ADARB2: variants seen among roughly 807,000 people sequenced by gnomAD.
ADARB2 encodes inactive double-stranded RNA-specific editase B2.
In ADARB2, 25 loss-of-function variants were observed where a neutral mutation model predicts 62.2. The observed-to-expected ratio is 0.40, with a 90% CI of 0.29 to 0.56. The LOEUF (loss-of-function observed/expected upper bound fraction) is 0.56, where lower values mean the gene tolerates loss of function less well. Among genes scored for constraint, ADARB2 ranks in the 20% least tolerant of loss-of-function variants. The pLI is 0.43. For missense variants in ADARB2, 1,071 were observed against 1,077.4 expected (o/e 0.99, Z 0.08); for synonymous variants, 572 against 500.8 (o/e 1.14, Z -1.90).
At chr10:1,688,372 C>T (rs1422803888) in intron 1 of ADARB2, among the ~76,000 whole-genome samples, 1 of 152,208 alleles carries the variant, frequency 6.6e-6, no homozygotes, top group Non-Finnish European at 1.5e-5. Context: ...CCTGCTGTTC[C>T]CTGACCCGGT....
At chr10:1,542,686 ACGCAGTTCGGACCC>A in intron 1 of ADARB2, among the ~76,000 whole-genome samples, 2 of 34,852 alleles carry the variant, frequency 5.7e-5, no homozygotes, top group African/African-American at 9.8e-5. Flanking sequence ...CCCCACTCAG[ACGCAGTTCGGACCC>A]TGGATCACAG....
intron 7 of ADARB2, 125 bp from the exon 8 acceptor site, chr10:1,200,272 C>T (rs1836968549): frequency 7.4e-7 from 1 of 1,347,774 alleles, no homozygotes; most frequent in Non-Finnish European, 1.0e-6. Flanking sequence ...CCTTGGGGAG[C>T]TCCCTGGGAG....
chr10:1,491,622 A>G (rs1831623022), intron 1 of ADARB2, among the ~76,000 whole-genome samples: 1 of 152,214 alleles, frequency 6.6e-6, no homozygotes, highest in African/African-American at 2.4e-5. Context: ...AAACAAAGTC[A>G]GATGTAATGA....
intron 1 of ADARB2, among the ~76,000 whole-genome samples, chr10:1,665,582 C>G (rs1280194058): frequency 6.6e-6 from 1 of 152,266 alleles, no homozygotes; most frequent in Non-Finnish European, 1.5e-5. Context: ...GGGTCCAGCC[C>G]AGGGCTGTGG....
At chr10:1,593,043 T>C (rs112885196) in intron 1 of ADARB2, among the ~76,000 whole-genome samples, 302 of 65,166 alleles carry the variant, frequency 4.6e-3, no homozygotes, top group East Asian at 9.6e-3. Context: ...ATAGGTCTCC[T>C]CTCTGGCATG....
At chr10:1,429,928 A>C (rs1333644335) in intron 1 of ADARB2, among the ~76,000 whole-genome samples, 1 of 152,092 alleles carries the variant, frequency 6.6e-6, no homozygotes, top group East Asian at 1.9e-4. Context: ...ACCACTCTTA[A>C]ATAACAGCTA....
At chr10:1,602,486 C>T (rs746444181) in intron 1 of ADARB2, among the ~76,000 whole-genome samples, 6 of 152,126 alleles carry the variant, frequency 3.9e-5, no homozygotes, top group African/African-American at 9.7e-5. Context: ...CGGCATCCAT[C>T]GACTCTCCAT....
At chr10:1,285,879 C>T (rs1256161972) in intron 3 of ADARB2, among the ~76,000 whole-genome samples, 1 of 152,176 alleles carries the variant, frequency 6.6e-6, no homozygotes, top group African/African-American at 2.4e-5. Flanking sequence ...TGGTGGGATA[C>T]TAAAATCCAT....
chr10:1,244,891 C>T (rs184475704), intron 4 of ADARB2, among the ~76,000 whole-genome samples: 23 of 152,268 alleles, frequency 1.5e-4, no homozygotes, highest in Non-Finnish European at 2.8e-4. Flanking sequence ...GCGTATTCTA[C>T]GGGCCGTTGG....
chr10:1,278,379 C>T (rs1436989789), intron 3 of ADARB2, among the ~76,000 whole-genome samples: 1 of 151,498 alleles, frequency 6.6e-6, no homozygotes, highest in Non-Finnish European at 1.5e-5. Context: ...GTACAAGTGA[C>T]CCAGGTAGTG....
chr10:1,625,428 G>A (rs553280757), intron 1 of ADARB2, among the ~76,000 whole-genome samples: 102 of 152,322 alleles, frequency 6.7e-4, no homozygotes, highest in African/African-American at 2.1e-3. Context: ...GCACCTTGGC[G>A]CTGGTGGGGT....
At chr10:1,658,394 TTC>T (rs377038119) in intron 1 of ADARB2, among the ~76,000 whole-genome samples, 7 of 151,936 alleles carry the variant, frequency 4.6e-5, no homozygotes, top group Non-Finnish European at 1.0e-4. Flanking sequence ...TCTCTTGTCT[TTC>T]TCTGTCTCTA....
chr10:1,581,883 G>C (rs1833106829), intron 1 of ADARB2, among the ~76,000 whole-genome samples: 1 of 150,046 alleles, frequency 6.7e-6, no homozygotes, highest in Non-Finnish European at 1.5e-5. Flanking sequence ...GAGAGGCCAA[G>C]ATCTCAGCAC....
chr10:1,455,208 G>A (rs1831082873), intron 1 of ADARB2, among the ~76,000 whole-genome samples: 1 of 152,204 alleles, frequency 6.6e-6, no homozygotes, highest in South Asian at 2.1e-4. Context: ...GAGGAACTTT[G>A]TTAAGGACCA....
intron 1 of ADARB2, among the ~76,000 whole-genome samples, chr10:1,580,280 A>T (rs897404195): frequency 6.6e-6 from 1 of 152,060 alleles, no homozygotes; most frequent in East Asian, 1.9e-4. Flanking sequence ...GCCCTCCACC[A>T]TCAAGCAGGG....
chr10:1,205,577 T>C (rs1408997637), intron 7 of ADARB2, among the ~76,000 whole-genome samples: 3 of 152,186 alleles, frequency 2.0e-5, no homozygotes, highest in Non-Finnish European at 2.9e-5. Flanking sequence ...TCCGAATGCT[T>C]GTGTTCCCAA....
rs1400694502 is a variant in ADARB2, at chr10:1,540,646, C to A, written c.101-161486G>T. On this transcript the variant is annotated intron_variant, in intron 1 of 9. Transcript: ENST00000381312. ...CCCTGGATCACAGCCGTCCAGACCCCACTCAGACGCAGTTTGGACCCTGGA... is the reference window on the plus strand; with the variant it reads ...CCCTGGATCACAGCCGTCCAGACCCAACTCAGACGCAGTTTGGACCCTGGA... Among the ~76,000 whole-genome samples, 3 of 98,876 alleles carry A rather than the reference C, an allele frequency of 3.0e-5. 1 individual carries two copies. Among genetic ancestry groups the A allele is most frequent in the African/African-American group, 1.0e-4 (3 of 29,060 alleles). 64.9% of individuals were successfully genotyped at this position (98,876 alleles called of 152,430 possible). A position where few individuals can be genotyped will look rare whatever the true frequency, so the allele number is the denominator to read the frequency against.
At chr10:1,493,905 G>C (rs190105736) in intron 1 of ADARB2, among the ~76,000 whole-genome samples, 1 of 151,784 alleles carries the variant, frequency 6.6e-6, no homozygotes. Flanking sequence ...ACAGGCGTGC[G>C]CCACTACGCC....
At chr10:1,270,933 C>T (rs1422433242) in intron 4 of ADARB2, 22 bp downstream of exon 4, 2 of 1,605,294 alleles carry the variant, frequency 1.2e-6, no homozygotes, top group East Asian at 4.5e-5. Context: ...AAAATGCCCA[C>T]AGGAAAAGAG....
Sources: allele counts gnomAD v4.1 joint callset (sites outside exome capture counted in the v4.1 genomes callset), GRCh38; gene constraint gnomAD v4.1.1; transcripts MANE v1.5; gene names NCBI Gene and HGNC (gene_info 2026-07-23, HGNC 2026-07-21).